AGBL4: variants seen among roughly 807,000 people sequenced by gnomAD.
AGBL4 encodes the protein cytosolic carboxypeptidase 6.
AGBL4 carries 58 observed loss-of-function variants against 66.4 expected under a neutral mutation model. The observed-to-expected ratio is 0.87, with a 90% CI of 0.71 to 1.09. AGBL4 has a LOEUF of 1.09. AGBL4 is among the 50% of genes least tolerant of loss of function. The pLI is 0.00. For missense variants in AGBL4, 579 were observed against 631.0 expected (o/e 0.92, Z 0.88); for synonymous variants, 234 against 222.9 (o/e 1.05, Z -0.44).
chr1:49,382,759 A>C lies in AGBL4; in HGVS notation c.283-136895T>G, dbSNP rs139006931. 2.0e-5 allele frequency among the ~76,000 whole-genome samples: 3 copies of C among 152,356 alleles called. No homozygotes were observed. The East Asian group carries it at 5.8e-4, about 29-fold the overall frequency. On this transcript the variant is annotated intron_variant, in intron 3 of 13. Transcript: ENST00000371839. ...ACAGAGAGCATGATCTTACATGTAA[A>C]GACCTTAAGAGTTTCCAATTAAAAA...
intron 3 of AGBL4, among the ~76,000 whole-genome samples, chr1:49,450,093 T>C (rs781330968): frequency 2.2e-4 from 33 of 152,088 alleles, no homozygotes; most frequent in Non-Finnish European, 4.1e-4. Context: ...TTGGTTTCAA[T>C]TTTTAAATAT....
chr1:49,927,626 G>C (rs1481902951), intron 1 of AGBL4, among the ~76,000 whole-genome samples: 1 of 151,124 alleles, frequency 6.6e-6, no homozygotes, highest in Non-Finnish European at 1.5e-5. Flanking sequence ...TTTGGGTGGG[G>C]AAAGAGCCAA....
Position 49,072,864 on chromosome 1 carries a change from C to G in AGBL4, c.378-27064G>C, listed in dbSNP as rs1316043059. Among the ~76,000 whole-genome samples the G allele has an allele frequency of 6.6e-5, 10 of 152,208 alleles. No homozygotes were observed. In the East Asian group the frequency reaches 1.9e-3, roughly 29 times the overall value. ...TCCAACTTGTTTCCATTCTCCCCGT[C>G]ACTTTCAGGTTCACCAATCAAACGT... On this transcript the variant is annotated intron_variant, in intron 4 of 13. Coordinates refer to ENST00000371839, the MANE Select transcript of AGBL4 (RefSeq NM_032785.4).
At chr1:49,044,250 C>T (rs1034427293) in intron 5 of AGBL4, among the ~76,000 whole-genome samples, 1 of 152,130 alleles carries the variant, frequency 6.6e-6, no homozygotes, top group African/African-American at 2.4e-5. Context: ...GTAATCCCAG[C>T]ACTTTGGGAG....
intron 6 of AGBL4, among the ~76,000 whole-genome samples, chr1:48,858,640 CA>C (rs1283472877): frequency 6.6e-6 from 1 of 152,052 alleles, no homozygotes; most frequent in Non-Finnish European, 1.5e-5. Context: ...TCCATAGAGA[CA>C]GAAAGTTATA....
chr1:49,037,132 T>C (rs1230925890), intron 5 of AGBL4, among the ~76,000 whole-genome samples: 3 of 152,136 alleles, frequency 2.0e-5, no homozygotes, highest in Non-Finnish European at 4.4e-5. Flanking sequence ...CAGGAGATGA[T>C]TAATATATTT....
At chr1:49,696,890 C>T (rs1325708206) in intron 3 of AGBL4, among the ~76,000 whole-genome samples, 4 of 152,112 alleles carry the variant, frequency 2.6e-5, no homozygotes, top group Non-Finnish European at 4.4e-5. Flanking sequence ...AAGATATAAA[C>T]ACTCTGTTGT....
chr1:49,554,071 A>G lies in AGBL4; in HGVS notation c.282+143242T>C, dbSNP rs566571158. 2.0e-5 allele frequency among the ~76,000 whole-genome samples: 3 copies of G among 152,274 alleles called. No individual in the cohort carries two copies. In the South Asian group the frequency reaches 6.2e-4, roughly 32 times the overall value. On this transcript the variant is annotated intron_variant, in intron 3 of 13. Coordinates refer to ENST00000371839, the MANE Select transcript of AGBL4 (RefSeq NM_032785.4). ...TTGTTTGAGGCCAGGAGTTCCAGGC[A>G]GCAGTGAGGTATGATTACACCACTG...
At chr1:48,838,028 C>T (rs1213527794) in intron 6 of AGBL4, among the ~76,000 whole-genome samples, 2 of 151,814 alleles carry the variant, frequency 1.3e-5, no homozygotes, top group East Asian at 1.9e-4. Context: ...ACCAAGTAGG[C>T]AGCTATTACA....
At chr1:50,014,536 C>CTT (rs886696766) in intron 1 of AGBL4, among the ~76,000 whole-genome samples, 506 of 108,974 alleles carry the variant, frequency 4.6e-3, no homozygotes, top group African/African-American at 7.2e-3. Context: ...CAGAGGATTT[C>CTT]TTTTTTTTTT....
intron 11 of AGBL4, chr1:48,585,650 T>C (rs1644806669): frequency 1.3e-5 from 2 of 152,182 alleles, no homozygotes; most frequent in South Asian, 2.1e-4. Context: ...TGACTGTACA[T>C]AGGGAACTCT....
intron 6 of AGBL4, among the ~76,000 whole-genome samples, chr1:48,748,838 A>G (rs527881363): frequency 1.3e-5 from 2 of 152,182 alleles, no homozygotes; most frequent in African/African-American, 4.8e-5. Flanking sequence ...GGGGTTCTTC[A>G]GGTCCTCTCT....
intron 5 of AGBL4, among the ~76,000 whole-genome samples, chr1:48,961,860 T>A (rs1401019989): frequency 3.3e-5 from 5 of 152,162 alleles, no homozygotes; most frequent in Non-Finnish European, 7.4e-5. Flanking sequence ...CACCTGACAG[T>A]CACTTACAAG....
intron 1 of AGBL4, among the ~76,000 whole-genome samples, chr1:49,908,881 C>T (rs1237248781): frequency 3.3e-5 from 5 of 152,190 alleles, no homozygotes; most frequent in African/African-American, 4.8e-5. Context: ...ATTAATAATA[C>T]TTCATGAATG....
At chr1:49,514,639 C>T (rs1157617873) in intron 3 of AGBL4, among the ~76,000 whole-genome samples, 2 of 152,072 alleles carry the variant, frequency 1.3e-5, no homozygotes. Context: ...TCAAACTATA[C>T]TACAAGGCTA....
chr1:49,850,555 C>T (rs1305075360), intron 2 of AGBL4, among the ~76,000 whole-genome samples: 2 of 152,052 alleles, frequency 1.3e-5, no homozygotes, highest in African/African-American at 4.8e-5. Flanking sequence ...CAAACCTATA[C>T]AATATGACAT....
chr1:49,250,325 G>A (rs1651946824), intron 3 of AGBL4, among the ~76,000 whole-genome samples: 1 of 152,096 alleles, frequency 6.6e-6, no homozygotes, highest in African/African-American at 2.4e-5. Flanking sequence ...TAAGATGACT[G>A]GCAGGCTTTA....
intron 3 of AGBL4, among the ~76,000 whole-genome samples, chr1:49,426,704 C>A (rs1422739905): frequency 6.6e-6 from 1 of 152,096 alleles, no homozygotes; most frequent in African/African-American, 2.4e-5. Flanking sequence ...GAAGTAGGTA[C>A]TACTACTTAT....
chr1:49,055,575 GTCA>G, intron 4 of AGBL4, among the ~76,000 whole-genome samples: 1 of 152,088 alleles, frequency 6.6e-6, no homozygotes, highest in South Asian at 2.1e-4. Context: ...CAAAGGCAAT[GTCA>G]TCAAGAACTA....
Sources: gnomAD v4.1 joint callset for allele counts (sites outside exome capture counted in the v4.1 genomes callset) on GRCh38, gnomAD v4.1.1 for gene constraint, MANE v1.5 for transcripts, NCBI Gene and HGNC (gene_info 2026-07-23, HGNC 2026-07-21) for gene names.